Variants in BMAL1 observed in about 807,000 individuals in gnomAD.
The protein encoded by BMAL1 is basic helix-loop-helix ARNT-like protein 1.
the BMAL1 span, among the ~76,000 whole-genome samples, chr11:13,361,917 C>T: frequency 6.6e-6 from 1 of 152,202 alleles, no homozygotes; most frequent in East Asian, 1.9e-4. Flanking sequence ...AGAAAGGATA[C>T]ACCTTCCTGA....
the BMAL1 span, chr11:13,378,411 C>T: frequency 6.2e-7 from 1 of 1,613,030 alleles, no homozygotes; most frequent in Non-Finnish European, 8.5e-7. Flanking sequence ...AAAAATAGGC[C>T]GAATGATTGC....
At chr11:13,365,677 C>A in the BMAL1 span, 1 of 1,088,220 alleles carries the variant, frequency 9.2e-7, no homozygotes, top group Non-Finnish European at 1.4e-6. Flanking sequence ...TTATAGTATA[C>A]AAGTCACATG....
the BMAL1 span, chr11:13,378,388 G>C: frequency 1.2e-6 from 2 of 1,613,284 alleles, no homozygotes; most frequent in Non-Finnish European, 1.7e-6. Flanking sequence ...GGGGGAACCC[G>C]GGCTGGGGCA....
the BMAL1 span, among the ~76,000 whole-genome samples, chr11:13,284,244 A>ATGTGTG: frequency 1.3e-3 from 9 of 7,140 alleles, no homozygotes; most frequent in Admixed American, 1.5e-3. Context: ...GTATATATAT[A>ATGTGTG]TATATATATA....
the BMAL1 span, among the ~76,000 whole-genome samples, chr11:13,365,060 T>G: frequency 1.3e-5 from 2 of 152,100 alleles, no homozygotes; most frequent in Non-Finnish European, 2.9e-5. Flanking sequence ...GTTTTCAAGT[T>G]GAAGGCAGAT....
chr11:13,289,735 G>A, the BMAL1 span, among the ~76,000 whole-genome samples: 1 of 152,170 alleles, frequency 6.6e-6, no homozygotes, highest in African/African-American at 2.4e-5. Context: ...TGGCTGCATA[G>A]TATTCCATGG....
chr11:13,386,859 G>A, the BMAL1 span: 1 of 1,380,804 alleles, frequency 7.2e-7, no homozygotes, highest in Non-Finnish European at 9.7e-7. Flanking sequence ...TAGCTTTTAT[G>A]TACTGACTTC....
At chr11:13,296,582 A>G in the BMAL1 span, among the ~76,000 whole-genome samples, 1 of 152,226 alleles carries the variant, frequency 6.6e-6, no homozygotes, top group African/African-American at 2.4e-5. Context: ...ATCTACATAC[A>G]CGCATGTGTG....
At chr11:13,359,998 G>A in the BMAL1 span, among the ~76,000 whole-genome samples, 43 of 152,190 alleles carry the variant, frequency 2.8e-4, no homozygotes, top group Admixed American at 2.2e-3. Context: ...TAGGAGGAGG[G>A]AACTCTCTGA....
chr11:13,296,121 ACTT>A, the BMAL1 span, among the ~76,000 whole-genome samples: 3 of 152,138 alleles, frequency 2.0e-5, no homozygotes, highest in South Asian at 6.2e-4. Context: ...CTGCCTTTGT[ACTT>A]CTTTGTCAGG....
the BMAL1 span, among the ~76,000 whole-genome samples, chr11:13,343,822 G>A: frequency 6.6e-6 from 1 of 152,242 alleles, no homozygotes; most frequent in Admixed American, 6.5e-5. Flanking sequence ...CAACGATATT[G>A]GGGGTCTTTT....
At chr11:13,313,414 A>G in the BMAL1 span, among the ~76,000 whole-genome samples, 2 of 151,202 alleles carry the variant, frequency 1.3e-5, no homozygotes, top group East Asian at 2.0e-4. Context: ...CCCAGTCCAC[A>G]CTCCTAGTGG....
the BMAL1 span, among the ~76,000 whole-genome samples, chr11:13,298,796 T>G: frequency 6.6e-6 from 1 of 152,354 alleles, no homozygotes; most frequent in East Asian, 1.9e-4. Context: ...TGAGCCTTTC[T>G]GCAGTCCCTT....
the BMAL1 span, chr11:13,373,982 C>A: frequency 2.4e-6 from 2 of 837,432 alleles, no homozygotes; most frequent in East Asian, 2.6e-5. Flanking sequence ...GCTCTTTTGC[C>A]TGCAGCTTTG....
chr11:13,302,898 T>TA, the BMAL1 span, among the ~76,000 whole-genome samples: 1 of 152,214 alleles, frequency 6.6e-6, no homozygotes, highest in African/African-American at 2.4e-5. Context: ...TGCATGTAAA[T>TA]ATCCATTCAG....
At chr11:13,348,641 A>G in the BMAL1 span, among the ~76,000 whole-genome samples, 2 of 152,302 alleles carry the variant, frequency 1.3e-5, no homozygotes, top group African/African-American at 2.4e-5. Flanking sequence ...AATTACCTAT[A>G]TTAAGCCTGG....
At chr11:13,377,336 T>C in the BMAL1 span, among the ~76,000 whole-genome samples, 7 of 152,168 alleles carry the variant, frequency 4.6e-5, no homozygotes, top group Admixed American at 2.0e-4. Flanking sequence ...AAATTCAGAA[T>C]ATCCCAAGCT....
chr11:13,344,372 C>T, the BMAL1 span, among the ~76,000 whole-genome samples: 1 of 152,202 alleles, frequency 6.6e-6, no homozygotes, highest in African/African-American at 2.4e-5. Flanking sequence ...ACTTCTAAAC[C>T]CCCAGGCACC....
chr11:13,293,558 T>G, the BMAL1 span, among the ~76,000 whole-genome samples: 1 of 152,216 alleles, frequency 6.6e-6, no homozygotes. Context: ...GTGTGAACTA[T>G]TAAAAGAGTT....
Sources: gnomAD v4.1 joint callset for allele counts (sites outside exome capture counted in the v4.1 genomes callset) on GRCh38, gnomAD v4.1.1 for gene constraint, MANE v1.5 for transcripts, NCBI Gene and HGNC (gene_info 2026-07-23, HGNC 2026-07-21) for gene names.